The following WNK4 variants were observed in gnomAD, a reference collection of about 807,000 sequenced individuals.
The protein encoded by WNK4 is serine/threonine-protein kinase WNK4.
A neutral mutation model predicts 116.2 loss-of-function variants in WNK4; 94 were observed. The observed-to-expected ratio is 0.81, with a 90% CI of 0.68 to 0.96. The LOEUF is 0.96. WNK4 is among the 40% of genes least tolerant of loss of function. WNK4 has a pLI of 0.00. For missense variants in WNK4, 1,542 were observed against 1,650.6 expected (o/e 0.93, Z 1.14); for synonymous variants, 655 against 672.7 (o/e 0.97, Z 0.41).
Position 42,787,273 on chromosome 17 carries a change from T to G in WNK4, c.1477-5T>G. Reference sequence around the variant, plus strand: ...TGTGTTCCTCATCCCCCACCCCAATTCCAGGTGGCTCTGGGCTTGGTCTGT... The same window carrying G: ...TGTGTTCCTCATCCCCCACCCCAATGCCAGGTGGCTCTGGGCTTGGTCTGT... On this transcript the variant is annotated splice_region_variant and splice_polypyrimidine_tract_variant and intron_variant, in intron 6 of 18. Transcript: ENST00000246914. 1 of 1,613,680 alleles carries G rather than the reference T, an allele frequency of 6.2e-7. No homozygotes were observed. Among genetic ancestry groups the G allele is most frequent in the Non-Finnish European group, 8.5e-7 (1 of 1,179,996 alleles).
intron 6 of WNK4, 45 bp downstream of exon 6, chr17:42,785,527 A>C: frequency 6.5e-7 from 1 of 1,535,770 alleles, no homozygotes; most frequent in Non-Finnish European, 8.8e-7. Flanking sequence ...TGTAAAGGAC[A>C]TTGACTCGAG....
chr17:42,780,780 C>T lies in WNK4; in HGVS notation c.82C>T (p.Leu28Phe). Reference protein sequence around the residue: ...ADLALRPPPPLGTAGQPRLGP... With the variant: ...ADLALRPPPPFGTAGQPRLGP... ...CCTGGCCCTGCGGCCCCCGCCTCCT[C>T]TTGGCACCGCGGGGCAGCCCCGCCT... Residue 28 changes from leucine (L) to phenylalanine (F), a missense_variant, in exon 1 of 19, where the codon CTT (leucine) becomes TTT (phenylalanine). By Grantham distance (22) the Leu-to-Phe change is conservative. Coordinates refer to ENST00000246914, the MANE Select transcript of WNK4 (RefSeq NM_032387.5). 1 of 1,606,006 alleles carries T rather than the reference C, an allele frequency of 6.2e-7. No homozygotes were observed.
chr17:42,787,924 TC>T, intron 8 of WNK4, 25 bp downstream of exon 8: 1 of 1,606,626 alleles, frequency 6.2e-7, no homozygotes. Flanking sequence ...CATGGGGGGC[TC>T]CCAGCCATTC....
chr17:42,795,031 C>T lies in WNK4; in HGVS notation c.2610C>T (p.Pro870=), dbSNP rs771639017. ...CACTTCCATTCTCCTCCAGCACACC[C>T]GAGTTTCCGGTCCCACTCTCTCAGT... ...SSPLPFSSST[P]EFPVPLSQCP... Residue 870 remains proline (P), a synonymous_variant, in exon 14 of 19, where the codon CCC becomes CCT. Transcript: ENST00000246914. 1.7e-5 allele frequency: 27 copies of T among 1,613,708 alleles called. 1 individual carries two copies. The East Asian group carries it at 2.2e-4, about 13-fold the overall frequency.
At chr17:42,783,782 T>C (rs778720102) in intron 2 of WNK4, 155 bp from the exon 3 acceptor site, 11 of 735,242 alleles carry the variant, frequency 1.5e-5, no homozygotes, top group Non-Finnish European at 2.3e-5. Context: ...CTGACTCAGT[T>C]TCTCCCTGGG....
intron 12 of WNK4, chr17:42,793,980 G>C (rs748172504): frequency 4.5e-6 from 2 of 446,662 alleles, no homozygotes; most frequent in African/African-American, 4.1e-5. Flanking sequence ...AGCCTCCCGA[G>C]TAGCTGGGAC....
In WNK4 at chr17:42,784,649, C is replaced by A; in HGVS notation, c.1170+70C>A. 6.3e-7 allele frequency: 1 copy of A among 1,589,942 alleles called. No homozygotes were observed. Among genetic ancestry groups the A allele is most frequent in the Non-Finnish European group, 8.6e-7 (1 of 1,166,936 alleles). On this transcript the variant is annotated intron_variant, in intron 4 of 18. Coordinates refer to ENST00000246914, the MANE Select transcript of WNK4 (RefSeq NM_032387.5). The surrounding 1 kb of genome is among the most constrained non-coding windows in gnomAD (Gnocchi z 4.4). ...TCCCCTTTTCCTGCGCCGGCCAGCC[C>A]GCAGTCAATGCCCTTTGCCTGCACG... is the stretch of plus-strand genomic sequence containing the variant.
rs1346894173 is a variant in WNK4 at position 42,795,710 on chromosome 17, C to G, written c.3108C>G (p.Pro1036=). 1.9e-6 allele frequency: 3 copies of G among 1,613,342 alleles called. No homozygotes were observed. The Admixed American group carries it at 5.0e-5, about 27-fold the overall frequency. ...AEPLPLQPTS[P]TLSGSPKPST... is the part of the protein sequence containing the mutation. ...CTCTTCCCTTGCAGCCAACATCCCCCACTCTCTCTGGTTCTCCAAAACCTT... is the reference window on the plus strand; with the variant it reads ...CTCTTCCCTTGCAGCCAACATCCCCGACTCTCTCTGGTTCTCCAAAACCTT... The change falls in exon 16 of 19, where the codon CCC becomes CCG. Residue 1036 remains proline (P), a synonymous_variant. Coordinates refer to ENST00000246914, the MANE Select transcript of WNK4 (RefSeq NM_032387.5).
At chr17:42,781,691 C>G (rs1490543831) in intron 1 of WNK4, among the ~76,000 whole-genome samples, 45 of 152,166 alleles carry the variant, frequency 3.0e-4, no homozygotes, top group Admixed American at 2.9e-3. Flanking sequence ...CAGTTATGAC[C>G]CTGGTCCTCT....
At position 42,785,557 on chromosome 17, in the gene WNK4, G is replaced by A. The variant is rs1031921578; in HGVS notation, c.1476+75G>A. The A allele has an allele frequency of 3.9e-6, 6 of 1,527,544 alleles. 1 individual carries two copies. Among genetic ancestry groups the A allele is most frequent in the East Asian group, 2.4e-5 (1 of 40,902 alleles). The allele number at this position is 1,527,544 out of a possible 1,614,324, so 94.6% of individuals were successfully genotyped here. ...CTCGAGGGGACAGTGCAACAGGGAT[G>A]GGGCGCAGGAGGGGTGGCAGCGATG... On this transcript the variant is annotated intron_variant, in intron 6 of 18. Transcript: ENST00000246914.
In WNK4 at chr17:42,794,932, T is replaced by C. The variant is rs771549202; in HGVS notation, c.2511T>C (p.His837=). The change falls in exon 14 of 19, where the codon CAT becomes CAC. Residue 837 remains histidine (H), a synonymous_variant. Transcript: ENST00000246914. ...PIFPITSPPC[H]PSPSPFSPIS... is the part of the protein sequence containing the mutation. ...TCCCCATCACTTCTCCCCCATGTCA[T>C]CCCAGCCCCTCCCCATTCTCCCCCA... The C allele has an allele frequency of 6.3e-7, 1 of 1,577,040 alleles. No homozygotes were observed. Among genetic ancestry groups the C allele is most frequent in the East Asian group, 2.3e-5 (1 of 43,408 alleles).
chr17:42,784,522 T>C lies in WNK4; in HGVS notation c.1113T>C (p.Ser371=), dbSNP rs770784257. The change falls in exon 4 of 19, where the codon TCT becomes TCC. Residue 371 remains serine (S), a synonymous_variant. Coordinates refer to ENST00000246914, the MANE Select transcript of WNK4 (RefSeq NM_032387.5). This position sits in a 1 kb window ranked among gnomAD's most constrained non-coding sequence, Gnocchi z 4.4. ...TGTGCATGCTGGAGATGGCCACCTC[T>C]GAGTACCCGTACTCCGAGTGCCAGA... ...FGMCMLEMAT[S]EYPYSECQNA... The C allele has an allele frequency of 3.7e-6, 6 of 1,614,044 alleles. No homozygotes were observed. Among genetic ancestry groups the C allele is most frequent in the Middle Eastern group, 1.6e-4 (1 of 6,062 alleles).
At position 42,784,375 on chromosome 17, in the gene WNK4, C is replaced by T. The variant is rs199797798; in HGVS notation, c.1013-47C>T. ...GGGCTGCCTAGCCCAGTGGGAAGGA[C>T]GAGGCCAGAGTGCCCAGCAATCTGA... On this transcript the variant is annotated intron_variant, in intron 3 of 18. Transcript: ENST00000246914. This position sits in a 1 kb window ranked among gnomAD's most constrained non-coding sequence, Gnocchi z 4.4. 16 of 1,602,010 alleles carry T rather than the reference C, an allele frequency of 1.0e-5. No homozygotes were observed. Among genetic ancestry groups the T allele is most frequent in the Non-Finnish European group, 1.4e-5 (16 of 1,174,552 alleles).
Position 42,781,013 on chromosome 17 carries a change from C to A in WNK4, c.315C>A (p.Pro105=). 1 of 1,610,486 alleles carries A rather than the reference C, an allele frequency of 6.2e-7. No homozygotes were observed. ...ARSPPPSSKE[P]PEGTWTEGAP... is the part of the protein sequence containing the mutation. ...GCCCACCGCCTAGCTCCAAAGAACC[C>A]CCCGAGGGCACGTGGACCGAGGGAG... The change falls in exon 1 of 19, where the codon CCC becomes CCA. Residue 105 remains proline (P), a synonymous_variant. Coordinates refer to ENST00000246914, the MANE Select transcript of WNK4 (RefSeq NM_032387.5).
In WNK4 at chr17:42,785,086, C is replaced by T. The variant is rs1294610745; in HGVS notation, c.1171-11C>T. The T allele has an allele frequency of 6.2e-7, 1 of 1,610,688 alleles. No individual in the cohort carries two copies. The highest frequency in any genetic ancestry group is 8.5e-7 in the Non-Finnish European group (1 of 1,178,804). ...CAGAGGACGGGAGGTGTCATGCAAC[C>T]CCTTCCCCAGGGCAGAAAGCCGAAC... On this transcript the variant is annotated splice_polypyrimidine_tract_variant and intron_variant, in intron 4 of 18. Transcript: ENST00000246914.
At chr17:42,786,077 T>A (rs183591997) in intron 6 of WNK4, among the ~76,000 whole-genome samples, 2 of 152,360 alleles carry the variant, frequency 1.3e-5, no homozygotes, top group East Asian at 3.9e-4. Context: ...TAAAGCACTT[T>A]CACATGCATT....
intron 11 of WNK4, among the ~76,000 whole-genome samples, chr17:42,791,227 T>C (rs1368244204): frequency 6.6e-6 from 1 of 152,226 alleles, no homozygotes; most frequent in Admixed American, 6.5e-5. Context: ...TTGGATCTGA[T>C]CTCTTGATAT....
intron 2 of WNK4, 128 bp from the exon 3 acceptor site, chr17:42,783,809 C>T: frequency 1.1e-6 from 1 of 891,554 alleles, no homozygotes; most frequent in South Asian, 1.4e-5. Context: ...CAGACATAGG[C>T]TAGGAGAATG....
chr17:42,784,591 G>T lies in WNK4; in HGVS notation c.1170+12G>T. 6.2e-7 allele frequency: 1 copy of T among 1,614,032 alleles called. No homozygotes were observed. On this transcript the variant is annotated intron_variant, in intron 4 of 18. Coordinates refer to ENST00000246914, the MANE Select transcript of WNK4 (RefSeq NM_032387.5). This position sits in a 1 kb window ranked among gnomAD's most constrained non-coding sequence, Gnocchi z 4.4. ...GCAAGGTCACTTCGGTGAGAGGGAT[G>T]GGGCTGGCGGGAAAGGCAATTCCAG...
Sources: gnomAD v4.1 joint callset for allele counts (sites outside exome capture counted in the v4.1 genomes callset) on GRCh38, gnomAD v4.1.1 for gene constraint, Gnocchi (gnomAD v3.1) non-coding constraint, MANE v1.5 for transcripts, NCBI Gene and HGNC (gene_info 2026-07-23, HGNC 2026-07-21) for gene names.